The following L1CAM variants were observed in gnomAD, a reference collection of about 807,000 sequenced individuals.
L1CAM encodes the protein neural cell adhesion molecule L1.
In L1CAM, 8 loss-of-function variants were observed where a neutral mutation model predicts 93.0. The ratio of observed to expected loss-of-function variants is 0.09; its 90% confidence interval spans 0.05 to 0.16. The LOEUF (loss-of-function observed/expected upper bound fraction) is 0.16. Among genes scored for constraint, L1CAM ranks in the 10% least tolerant of loss-of-function variants. The pLI, the probability that L1CAM is intolerant of heterozygous loss-of-function variation, is 1.00. For missense variants in L1CAM, 777 were observed against 1,073.4 expected (o/e 0.72, Z 3.86); for synonymous variants, 453 against 453.0 (o/e 1.00, Z 0.00).
intron 26 of L1CAM, 145 bp downstream of exon 26, chrX:153,863,738 A>G (rs2148492693): frequency 1.1e-6 from 1 of 937,280 alleles, no homozygotes; most frequent in Non-Finnish European, 1.5e-6. Context: ...GCCTGGGAGG[A>G]TGATCCCCCT....
At chrX:153,882,673 C>T (rs1177047270) in intron 1 of L1CAM, among the ~76,000 whole-genome samples, 2 of 110,660 alleles carry the variant, frequency 1.8e-5, no homozygotes, top group Admixed American at 9.6e-5. Flanking sequence ...CTGGGATGGA[C>T]GGGTTCAGAA....
In L1CAM at chrX:153,872,048, C is replaced by T. The variant is rs1166777690; in HGVS notation, c.400+104G>A. 5 of 690,341 alleles carry T rather than the reference C, an allele frequency of 7.2e-6. No homozygotes were observed. The East Asian group carries it at 1.7e-4, about 24-fold the overall frequency. 56.9% of individuals were successfully genotyped at this position (690,341 alleles called of 1,213,427 possible). ...GGTGGGGTGGAGGGCTGGCAGGACA[C>T]CCAGGCCCCTCGCCACGAGACAACT... On this transcript the variant is annotated intron_variant, in intron 5 of 28. Coordinates refer to ENST00000370060, the MANE Select transcript of L1CAM (RefSeq NM_001278116.2).
intron 1 of L1CAM, among the ~76,000 whole-genome samples, chrX:153,882,603 G>A (rs182536418): frequency 1.1e-4 from 12 of 109,430 alleles, no homozygotes; most frequent in South Asian, 8.0e-4. Context: ...TGGAGGGCAG[G>A]GGGCAGAGGG....
chrX:153,872,144 C>T lies in L1CAM; in HGVS notation c.400+8G>A. ...CCTGCCCTCCCTGGTCCCTGCAGCG[C>T]CTCGCACCCTCGGCCATGAGCCGGA... On this transcript the variant is annotated splice_region_variant and intron_variant, in intron 5 of 28. Transcript: ENST00000370060. The T allele has an allele frequency of 1.7e-6, 2 of 1,201,988 alleles. No homozygotes were observed. The highest frequency in any genetic ancestry group is 1.7e-5 in the African/African-American group (1 of 57,290).
intron 1 of L1CAM, among the ~76,000 whole-genome samples, chrX:153,882,662 A>T (rs1167865811): frequency 9.1e-6 from 1 of 110,143 alleles, no homozygotes; most frequent in African/African-American, 3.3e-5. Flanking sequence ...TCAGACCCGC[A>T]CTGGGATGGA....
chrX:153,879,308 A>G (rs966298194), intron 1 of L1CAM, among the ~76,000 whole-genome samples: 1 of 110,544 alleles, frequency 9.0e-6, no homozygotes, highest in Middle Eastern at 4.6e-3. Context: ...TCCGAAACGG[A>G]GACCCAGGCA....
Position 153,865,468 on chromosome X carries a change from C to G in L1CAM, c.2580G>C (p.Lys860Asn). The change falls in exon 21 of 29, where the codon AAG becomes AAC. Residue 860 changes from lysine to asparagine, a missense_variant. Physicochemically the swap from Lys to Asn is moderately conservative, Grantham distance 94. This residue lies in a region of L1CAM where 574 missense variants were observed against 781.0 expected (regional missense o/e 0.73). Transcript: ENST00000370060. ...VTYWREGSQRKHSKRHIHKDH... is the reference protein window; with the variant it reads ...VTYWREGSQRNHSKRHIHKDH... ...CTTTGTGGATATGTCTCTTGCTGTGCTTCCTCTGACTGCCCTCCCTCCAGT... is the reference window on the plus strand; with the variant it reads ...CTTTGTGGATATGTCTCTTGCTGTGGTTCCTCTGACTGCCCTCCCTCCAGT... 8.3e-7 allele frequency: 1 copy of G among 1,211,281 alleles called. No homozygotes were observed. Among genetic ancestry groups the G allele is most frequent in the Non-Finnish European group, 1.1e-6 (1 of 895,207 alleles).
In L1CAM at chrX:153,863,376, G is replaced by A. The variant is rs1186960253; in HGVS notation, c.3534C>T (p.Ser1178=). Residue 1178 remains serine (S), a synonymous_variant, in exon 28 of 29, where the codon TCC becomes TCT. Transcript: ENST00000370060. ...MKDETFGEYR[S]LESDNEEKAF... is the part of the protein sequence containing the mutation. The stretch of plus-strand genomic sequence containing the variant: ...CACCGCCCCTGCCTTACCTCTCCAG[G>A]GACCTGAAGTCACCCGGCAGCACAG... 4 of 1,209,095 alleles carry A rather than the reference G, an allele frequency of 3.3e-6. No individual in the cohort carries two copies. The highest frequency in any genetic ancestry group is 4.5e-6 in the Non-Finnish European group (4 of 894,660).
In L1CAM at chrX:153,868,431, C is replaced by A; in HGVS notation, c.1574G>T (p.Arg525Leu). The stretch of plus-strand genomic sequence containing the variant: ...GGAACCTTTCTTCTCGATTGTGCTG[C>A]GGGGCCCCTGAGTGATCTGAGTTGC... ...KDATQITQGPRSTIEKKGSRV... is the reference protein window; with the variant it reads ...KDATQITQGPLSTIEKKGSRV... The change falls in exon 14 of 29, where the codon CGC becomes CTC. Residue 525 changes from arginine (R) to leucine (L), a missense_variant. Around this residue, in one of 5 missense-constraint regions of L1CAM, gnomAD observed 574 missense variants for 781.0 expected, o/e 0.73. Coordinates refer to ENST00000370060, the MANE Select transcript of L1CAM (RefSeq NM_001278116.2). The A allele has an allele frequency of 1.7e-6, 2 of 1,211,816 alleles. No homozygotes were observed. Among genetic ancestry groups the A allele is most frequent in the Non-Finnish European group, 2.2e-6 (2 of 895,505 alleles).
chrX:153,883,154 A>G (rs1260042238), intron 1 of L1CAM, among the ~76,000 whole-genome samples: 1 of 111,727 alleles, frequency 9.0e-6, no homozygotes, highest in African/African-American at 3.3e-5. Flanking sequence ...TGGACAGGGC[A>G]CAACCTCAGG....
chrX:153,884,391 G>T, intron 1 of L1CAM: 1 of 424,400 alleles, frequency 2.4e-6, no homozygotes, highest in South Asian at 3.2e-5. Flanking sequence ...AGCCTTTTAG[G>T]AGCGCGGTGT....
In L1CAM at chrX:153,867,388, G is replaced by A. The variant is rs782568205; in HGVS notation, c.2105C>T (p.Pro702Leu). 7.7e-5 allele frequency: 93 copies of A among 1,208,680 alleles called. 1 individual carries two copies. The highest frequency in any genetic ancestry group is 3.2e-4 in the South Asian group (18 of 56,707). The change falls in exon 17 of 29, where the codon CCG becomes CTG. Residue 702 changes from proline to leucine, a missense_variant. Pro to Leu is a moderately conservative substitution (Grantham distance 98). Coordinates refer to ENST00000370060, the MANE Select transcript of L1CAM (RefSeq NM_001278116.2). The part of the protein sequence containing the change: ...INKYGPGEPS[P>L]VSETVVTPEA... ...AGGTGTGACCACAGTCTCAGAGACCGGGCTGGGCTCCCCGGGGCCATATTT... is the reference window on the plus strand; with the variant it reads ...AGGTGTGACCACAGTCTCAGAGACCAGGCTGGGCTCCCCGGGGCCATATTT...
Position 153,862,108 on chromosome X carries a change from G to A in L1CAM, c.*555C>T, listed in dbSNP as rs201868455. On this transcript the variant is annotated 3_prime_UTR_variant, in exon 29 of 29. Coordinates refer to ENST00000370060, the MANE Select transcript of L1CAM (RefSeq NM_001278116.2). ...CGGTGCTGCCAGAGTGCGATGCTGG[G>A]AGTGGGGGGACTCTGGGCTCTCCAG... 2.7e-3 allele frequency: 306 copies of A among 114,604 alleles called. 2 individuals are homozygous for A. Among genetic ancestry groups the A allele is most frequent in the African/African-American group, 9.2e-3 (286 of 31,059 alleles). The allele number at this position is 114,604 out of a possible 1,213,427, so 9.4% of individuals were successfully genotyped here.
At chrX:153,885,278 C>A in intron 1 of L1CAM, 1 of 585,507 alleles carries the variant, frequency 1.7e-6, no homozygotes, top group South Asian at 2.4e-5. Context: ...CCTGATGGAC[C>A]CTACCTGATG....
chrX:153,863,151 G>A (rs1036955061), intron 28 of L1CAM, among the ~76,000 whole-genome samples: 11 of 111,956 alleles, frequency 9.8e-5, no homozygotes, highest in South Asian at 7.6e-4. Context: ...GCTGTCTGGG[G>A]CCTCCCTTGG....
chrX:153,865,047 G>A (rs2064699715), intron 22 of L1CAM, 41 bp downstream of exon 22: 14 of 1,210,534 alleles, frequency 1.2e-5, no homozygotes, highest in Non-Finnish European at 1.6e-5. Context: ...CCCTCCCCGT[G>A]GCCCCTCCAC....
rs200954919 is a variant in L1CAM, at chrX:153,864,315, G to A, written c.3322+7C>T. 31 of 1,208,346 alleles carry A rather than the reference G, an allele frequency of 2.6e-5. No individual in the cohort carries two copies. Among genetic ancestry groups the A allele is most frequent in the Middle Eastern group, 2.4e-4 (1 of 4,117 alleles). On this transcript the variant is annotated splice_region_variant and intron_variant, in intron 25 of 28. Transcript: ENST00000370060. ...TGGCAGGTGATGGCGGGCCCCCGGC[G>A]CCTCACCTGTGCCATTGGTCTTCAC... is the stretch of plus-strand genomic sequence containing the variant.
intron 1 of L1CAM, chrX:153,885,302 G>A (rs1557096668): frequency 4.0e-6 from 3 of 751,010 alleles, no homozygotes; most frequent in South Asian, 4.4e-5. Flanking sequence ...ACCCATGCAC[G>A]GGAGGCACAG....
rs781945858 is a variant in L1CAM, at chrX:153,863,811, G to A, written c.3457+72C>T. 3.8e-5 allele frequency: 45 copies of A among 1,181,644 alleles called. No homozygotes were observed. The South Asian group carries it at 6.8e-4, about 18-fold the overall frequency. On this transcript the variant is annotated intron_variant, in intron 26 of 28. Transcript: ENST00000370060. ...CTCGGGGAATCCAGGAGGCCTTGCA[G>A]AAGGGTGGAAGGGGCGAGGTGCTCC... is the stretch of plus-strand genomic sequence containing the variant.
Sources: allele counts gnomAD v4.1 joint callset (sites outside exome capture counted in the v4.1 genomes callset), GRCh38; gene constraint gnomAD v4.1.1; regional missense constraint gnomAD v4.1.1; transcripts MANE v1.5; gene names NCBI Gene and HGNC (gene_info 2026-07-23, HGNC 2026-07-21).